Variants in TJP2 observed in about 807,000 individuals in gnomAD.
TJP2 encodes tight junction protein 2, also known as Friedreich ataxia region gene X104 (tight junction protein ZO-2).
In TJP2, 91 loss-of-function variants were observed where a neutral mutation model predicts 133.1. That is an observed-to-expected ratio of 0.68 (90% CI 0.58 to 0.81). The LOEUF (loss-of-function observed/expected upper bound fraction) is 0.81. TJP2 is among the 40% of genes least tolerant of loss of function. The pLI is 0.00. For missense variants in TJP2, 1,541 were observed against 1,565.6 expected (o/e 0.98, Z 0.26); for synonymous variants, 592 against 583.4 (o/e 1.01, Z -0.21).
In TJP2 at chr9:69,221,178, A is replaced by G. The variant is rs1237165418; in HGVS notation, c.634A>G (p.Thr212Ala). 4 of 1,597,834 alleles carry G rather than the reference A, an allele frequency of 2.5e-6. No homozygotes were observed. In the African/African-American group the frequency reaches 4.0e-5, roughly 16 times the overall value. Residue 212 changes from threonine to alanine, a missense_variant, in exon 5 of 23, where the codon ACC becomes GCC. Coordinates refer to ENST00000377245, the MANE Select transcript of TJP2 (RefSeq NM_004817.4). The part of the protein sequence containing the change: ...ERGLDQDHAR[T>A]RDRSRGRSLE... ...GGGCCTGGACCAAGACCATGCGCGC[A>G]CCCGAGACCGCAGCCGTGGCCGGAG...
rs189510885 is a variant in TJP2, at chr9:69,136,268, C to T, written c.-131+14543C>T. ...GTGCAGTGGCTCATGTCTATAATCCCAGCACTTTGGGAGGCCAAAGCGGGA... is the reference window on the plus strand; with the variant it reads ...GTGCAGTGGCTCATGTCTATAATCCTAGCACTTTGGGAGGCCAAAGCGGGA... On this transcript the variant is annotated intron_variant, in intron 1 of 5. Coordinates refer to the TJP2 transcript ENST00000423935. Among the ~76,000 whole-genome samples the T allele has an allele frequency of 8.9e-4, 135 of 152,176 alleles. 1 individual carries two copies. The highest frequency in any genetic ancestry group is 3.0e-3 in the African/African-American group (125 of 41,500).
intron 1 of TJP2, among the ~76,000 whole-genome samples, chr9:69,143,226 T>C (rs905864161): frequency 1.3e-5 from 2 of 152,208 alleles, no homozygotes; most frequent in Admixed American, 1.3e-4. Flanking sequence ...GTTAAATGCA[T>C]CGAAAATTCC....
intron 11 of TJP2, among the ~76,000 whole-genome samples, chr9:69,231,621 G>A (rs1403947995): frequency 6.6e-6 from 1 of 151,500 alleles, no homozygotes; most frequent in Non-Finnish European, 1.5e-5. Flanking sequence ...CTTCCTTCTT[G>A]GCCCCGTTGC....
chr9:69,214,001 C>T (rs536133316), intron 2 of TJP2, among the ~76,000 whole-genome samples: 2 of 152,104 alleles, frequency 1.3e-5, no homozygotes, highest in African/African-American at 2.4e-5. Context: ...CTTTTAGTCT[C>T]GGAGTAAATT....
intron 17 of TJP2, among the ~76,000 whole-genome samples, chr9:69,246,010 C>T (rs1402799848): frequency 1.3e-5 from 2 of 152,134 alleles, no homozygotes; most frequent in Admixed American, 6.5e-5. Flanking sequence ...TGGATGGTTA[C>T]ATCTAAACGT....
chr9:69,228,034 C>T lies in TJP2; in HGVS notation c.1373C>T (p.Pro458Leu), dbSNP rs545195755. 1.9e-6 allele frequency: 3 copies of T among 1,614,046 alleles called. No individual in the cohort carries two copies. Among genetic ancestry groups the T allele is most frequent in the South Asian group, 1.1e-5 (1 of 91,074 alleles). The change falls in exon 9 of 23, where the codon CCC (proline) becomes CTC (leucine). Residue 458 changes from proline (P) to leucine (L), a missense_variant. By Grantham distance (98) the Pro-to-Leu change is moderately conservative (BLOSUM62 -3). Transcript: ENST00000377245. Reference protein sequence around the residue: ...RLSRMGATPTPFKSTGDIAGT... With the variant: ...RLSRMGATPTLFKSTGDIAGT... ...TCCAGGATGGGTGCGACACCCACTCCCTTTAAGTCCACAGGGGATATTGCA... is the reference window on the plus strand; with the variant it reads ...TCCAGGATGGGTGCGACACCCACTCTCTTTAAGTCCACAGGGGATATTGCA...
chr9:69,181,654 G>A (rs1477668606), intron 1 of TJP2, among the ~76,000 whole-genome samples: 1 of 152,124 alleles, frequency 6.6e-6, no homozygotes, highest in Non-Finnish European at 1.5e-5. Context: ...AAAGCCTAGA[G>A]AACATTCTAA....
chr9:69,231,119 T>G (rs1245743374), intron 11 of TJP2, among the ~76,000 whole-genome samples: 1 of 152,152 alleles, frequency 6.6e-6, no homozygotes, highest in African/African-American at 2.4e-5. Flanking sequence ...TTTTTTTGTT[T>G]TTTTTTGTTT....
At position 69,158,984 on chromosome 9, in the gene TJP2, C is replaced by G. The variant is rs533465148; in HGVS notation, c.-10+7213C>G. On this transcript the variant is annotated intron_variant, in intron 2 of 5. Transcript: ENST00000423935. ...AATCCCCTTGGGCAGGATTCACCGC[C>G]CCCCCCCCATCAAAATTATTTGATA... Among the ~76,000 whole-genome samples the G allele has an allele frequency of 8.8e-4, 127 of 143,666 alleles. 1 individual carries two copies. The South Asian group carries it at 0.026, about 29-fold the overall frequency. 94.3% of individuals were successfully genotyped at this position (143,666 alleles called of 152,430 possible).
chr9:69,243,484 G>C (rs1401231936), intron 17 of TJP2, among the ~76,000 whole-genome samples: 4 of 152,174 alleles, frequency 2.6e-5, no homozygotes, highest in Non-Finnish European at 5.9e-5. Context: ...TAAGTGTTAG[G>C]TTTGCCTCCC....
intron 1 of TJP2, among the ~76,000 whole-genome samples, chr9:69,137,235 TTCTTTCTCTC>T (rs1201140736): frequency 5.3e-4 from 22 of 41,426 alleles, no homozygotes; most frequent in African/African-American, 1.9e-3. Flanking sequence ...CCTTCTTTCT[TTCTTTCTCTC>T]TCTCTTTCTT....
upstream of TJP2, chr9:69,174,257 C>G (rs1034729632): frequency 4.8e-5 from 73 of 1,524,326 alleles, no homozygotes; most frequent in Non-Finnish European, 6.1e-5. Context: ...GTCGGCACCC[C>G]GGCGGTTGGG....
At position 69,159,829 on chromosome 9, in the gene TJP2, C is replaced by A. The variant is rs555534584; in HGVS notation, c.-10+8058C>A. ...TGGCAGAGGTTGCAGTGAGCCACTG[C>A]ACTCCAGCTTGGGCAACAGAGGGAG... On this transcript the variant is annotated intron_variant, in intron 2 of 5. Coordinates refer to the TJP2 transcript ENST00000423935. Among the ~76,000 whole-genome samples, 12 of 147,900 alleles carry A rather than the reference C, an allele frequency of 8.1e-5. No individual in the cohort carries two copies. In the South Asian group the frequency reaches 2.6e-3, roughly 32 times the overall value.
At position 69,221,253 on chromosome 9, in the gene TJP2, C is replaced by A. The variant is rs766553589; in HGVS notation, c.709C>A (p.Arg237Ser). 7.5e-6 allele frequency: 12 copies of A among 1,608,234 alleles called. No individual in the cohort carries two copies. The South Asian group carries it at 1.2e-4, about 16-fold the overall frequency. ...HDFGPSRDRDRDRSRGRSIDQ... is the reference protein window; with the variant it reads ...HDFGPSRDRDSDRSRGRSIDQ... ...CTTTGGGCCATCCCGGGACCGGGAC[C>A]GTGACCGCAGCCGCGGCCGGAGCAT... The change falls in exon 5 of 23, where the codon CGT (arginine) becomes AGT (serine). Residue 237 changes from arginine (R) to serine (S), a missense_variant. Physicochemically the swap from Arg to Ser is moderately radical, Grantham distance 110. Transcript: ENST00000377245.
At chr9:69,149,123 T>C (rs548062536) in intron 1 of TJP2, among the ~76,000 whole-genome samples, 1 of 152,346 alleles carries the variant, frequency 6.6e-6, no homozygotes, top group East Asian at 1.9e-4. Context: ...TATTCAATAA[T>C]AGTGTATTTT....
At chr9:69,202,283 C>G (rs1025202619) in intron 1 of TJP2, among the ~76,000 whole-genome samples, 10 of 152,120 alleles carry the variant, frequency 6.6e-5, no homozygotes, top group African/African-American at 2.4e-4. Flanking sequence ...TTTGTAAGAG[C>G]ACAAATCCCA....
In TJP2 at chr9:69,227,889, T is replaced by C; in HGVS notation, c.1319+16T>C. On this transcript the variant is annotated intron_variant, in intron 8 of 22. Transcript: ENST00000377245. Reference sequence around the variant, plus strand: ...AAAGGCCAAGGTAAGATGACATGAATATTCTCTTGTACATGTCATTGTGAA... The same window carrying C: ...AAAGGCCAAGGTAAGATGACATGAACATTCTCTTGTACATGTCATTGTGAA... The C allele has an allele frequency of 6.2e-7, 1 of 1,609,194 alleles. No individual in the cohort carries two copies. The highest frequency in any genetic ancestry group is 8.5e-7 in the Non-Finnish European group (1 of 1,175,468).
In TJP2 at chr9:69,165,073, G is replaced by T. The variant is rs980452004; in HGVS notation, c.-10+13302G>T. Among the ~76,000 whole-genome samples, 19 of 152,052 alleles carry T rather than the reference G, an allele frequency of 1.2e-4. 1 individual carries two copies. Among genetic ancestry groups the T allele is most frequent in the African/African-American group, 3.9e-4 (16 of 41,466 alleles). On this transcript the variant is annotated intron_variant, in intron 2 of 5. Transcript: ENST00000423935. ...TTGAACTCTTGGCCTCAAGTGTTCC[G>T]CCTGCCTTGGCCTCCCAAAGTGCTG...
intron 17 of TJP2, among the ~76,000 whole-genome samples, 187 bp downstream of exon 17, chr9:69,240,334 G>A (rs949798644): frequency 1.3e-5 from 2 of 152,066 alleles, no homozygotes; most frequent in Admixed American, 6.5e-5. Flanking sequence ...TTGTAATTTT[G>A]TCTATTTGAA....
Sources: gnomAD v4.1 joint callset for allele counts (sites outside exome capture counted in the v4.1 genomes callset) on GRCh38, gnomAD v4.1.1 for gene constraint, MANE v1.5 for transcripts, NCBI Gene and HGNC (gene_info 2026-07-23, HGNC 2026-07-21) for gene names.